The following NPAS3 variants were observed in gnomAD, a reference collection of about 807,000 sequenced individuals.
The protein encoded by NPAS3 is neuronal PAS domain-containing protein 3.
A neutral mutation model predicts 73.1 loss-of-function variants in NPAS3; 14 were observed. The ratio of observed to expected loss-of-function variants is 0.19; its 90% CI spans 0.13 to 0.30. The LOEUF (loss-of-function observed/expected upper bound fraction) is 0.30. Among genes scored for constraint, NPAS3 ranks in the 10% least tolerant of loss-of-function variants. The pLI is 1.00. For synonymous variants in NPAS3, 620 were observed against 541.5 expected (o/e 1.14, Z -2.01); for missense variants, 1,096 against 1,250.0 (o/e 0.88, Z 1.86).
At chr14:33,000,390 C>A (rs2038762865) in intron 1 of NPAS3, among the ~76,000 whole-genome samples, 1 of 152,074 alleles carries the variant, frequency 6.6e-6, no homozygotes, top group Admixed American at 6.6e-5. Flanking sequence ...TATTTGATGG[C>A]CAAAATTAAC....
At chr14:33,714,879 G>A (rs1256594894) in intron 6 of NPAS3, among the ~76,000 whole-genome samples, 1 of 152,094 alleles carries the variant, frequency 6.6e-6, no homozygotes, top group Non-Finnish European at 1.5e-5. Flanking sequence ...TCTCACTTCT[G>A]ATGTACAAAG....
At chr14:33,354,777 G>A (rs2045255023) in intron 3 of NPAS3, among the ~76,000 whole-genome samples, 2 of 152,138 alleles carry the variant, frequency 1.3e-5, no homozygotes, top group East Asian at 3.9e-4. Context: ...TCCCTTATGA[G>A]GTAATCACAA....
intron 1 of NPAS3, among the ~76,000 whole-genome samples, chr14:32,950,006 A>G (rs1193474867): frequency 6.6e-6 from 1 of 152,062 alleles, no homozygotes; most frequent in East Asian, 1.9e-4. Flanking sequence ...ATACATAAAG[A>G]AATAGTAAAA....
chr14:33,323,493 A>G (rs1164876795), intron 3 of NPAS3, among the ~76,000 whole-genome samples: 1 of 152,224 alleles, frequency 6.6e-6, no homozygotes, highest in African/African-American at 2.4e-5. Context: ...AATGTTCAGT[A>G]AACAGTTGAA....
chr14:33,485,659 C>T (rs1462589518), intron 4 of NPAS3, among the ~76,000 whole-genome samples: 1 of 152,172 alleles, frequency 6.6e-6, no homozygotes, highest in Non-Finnish European at 1.5e-5. Context: ...TACTCTTGAA[C>T]ATTAAAAATG....
intron 4 of NPAS3, among the ~76,000 whole-genome samples, chr14:33,373,386 A>ATGTGTG (rs5807721): frequency 0.062 from 9,186 of 147,156 alleles, 358 homozygotes; most frequent in Admixed American, 0.11. Context: ...ATTGAACTAT[A>ATGTGTG]TGTGTGTGTG....
At position 33,020,552 on chromosome 14, in the gene NPAS3, C is replaced by T. The variant is rs1057173309; in HGVS notation, c.51-35353C>T. Among the ~76,000 whole-genome samples the T allele has an allele frequency of 1.1e-4, 16 of 152,138 alleles. 1 individual carries two copies. The highest frequency in any genetic ancestry group is 7.2e-4 in the Admixed American group (11 of 15,268). ...AATCATAAAGACAATATGTCATGCC[C>T]ATTTTTTGGATCAGAGTTCCTTTCT... is the stretch of plus-strand genomic sequence containing the variant. On this transcript the variant is annotated intron_variant, in intron 1 of 11. Transcript: ENST00000356141.
intron 2 of NPAS3, among the ~76,000 whole-genome samples, chr14:33,191,318 A>G (rs999278739): frequency 6.6e-6 from 1 of 152,214 alleles, no homozygotes; most frequent in Non-Finnish European, 1.5e-5. Flanking sequence ...AAGGCTATAT[A>G]TAGCATACTT....
intron 4 of NPAS3, among the ~76,000 whole-genome samples, chr14:33,551,149 G>A (rs2055093993): frequency 6.6e-6 from 1 of 152,156 alleles, no homozygotes; most frequent in African/African-American, 2.4e-5. Context: ...TAACCATCAA[G>A]TTCCTTTGAG....
At chr14:33,683,783 A>G (rs1466331884) in intron 6 of NPAS3, among the ~76,000 whole-genome samples, 1 of 152,224 alleles carries the variant, frequency 6.6e-6, no homozygotes, top group East Asian at 1.9e-4. Context: ...AAAGTTTGCA[A>G]CTTCCAGTTG....
intron 4 of NPAS3, among the ~76,000 whole-genome samples, chr14:33,496,871 A>C (rs190663889): frequency 3.3e-5 from 5 of 152,308 alleles, no homozygotes; most frequent in Admixed American, 6.5e-5. Flanking sequence ...AAGAGAAAGA[A>C]AGAAAGTTTA....
intron 5 of NPAS3, among the ~76,000 whole-genome samples, chr14:33,655,670 A>G (rs2140250033): frequency 6.6e-6 from 1 of 152,226 alleles, no homozygotes; most frequent in South Asian, 2.1e-4. Flanking sequence ...ATCCTTTTCC[A>G]TTTAGTTTTC....
chr14:33,449,609 A>G (rs2049693194), intron 4 of NPAS3, among the ~76,000 whole-genome samples: 1 of 152,026 alleles, frequency 6.6e-6, no homozygotes, highest in Non-Finnish European at 1.5e-5. Flanking sequence ...ACACCCACAC[A>G]CACATATACA....
intron 5 of NPAS3, among the ~76,000 whole-genome samples, chr14:33,624,661 A>T (rs2058173011): frequency 6.6e-6 from 1 of 152,130 alleles, no homozygotes. Flanking sequence ...AAAGTTTTAA[A>T]TGAGTTTTCA....
chr14:33,467,831 A>G (rs2050600708), intron 4 of NPAS3, among the ~76,000 whole-genome samples: 2 of 152,216 alleles, frequency 1.3e-5, no homozygotes, highest in Non-Finnish European at 2.9e-5. Context: ...CAAAGTTGCC[A>G]TTGTTGTCTC....
intron 4 of NPAS3, among the ~76,000 whole-genome samples, chr14:33,465,014 G>A (rs1462511570): frequency 3.3e-5 from 5 of 152,150 alleles, no homozygotes; most frequent in African/African-American, 1.2e-4. Context: ...ACAGTAAATA[G>A]GGATCTTGCT....
chr14:33,662,530 T>C (rs146485702), intron 5 of NPAS3, among the ~76,000 whole-genome samples: 2,064 of 152,330 alleles, frequency 0.014, 42 homozygotes, highest in African/African-American at 0.048. Context: ...ATCTATAAAT[T>C]ACCTTGGGCA....
chr14:33,204,929 T>C (rs1382262050), intron 2 of NPAS3, among the ~76,000 whole-genome samples: 1 of 151,870 alleles, frequency 6.6e-6, no homozygotes, highest in African/African-American at 2.4e-5. Context: ...CACTCATTTA[T>C]TGGAAAAAAA....
intron 4 of NPAS3, among the ~76,000 whole-genome samples, chr14:33,539,246 G>A (rs567951109): frequency 3.0e-4 from 45 of 152,170 alleles, no homozygotes; most frequent in African/African-American, 1.0e-3. Flanking sequence ...GAGTATGGCT[G>A]GAGGCATAGC....
Sources: allele counts gnomAD v4.1 joint callset (sites outside exome capture counted in the v4.1 genomes callset), GRCh38; gene constraint gnomAD v4.1.1; transcripts MANE v1.5; gene names NCBI Gene and HGNC (gene_info 2026-07-23, HGNC 2026-07-21).